The following AGO1 variants were observed in gnomAD, a reference collection of about 807,000 sequenced individuals.
The protein encoded by AGO1 is protein argonaute-1.
A neutral mutation model predicts 109.2 loss-of-function variants in AGO1; 11 were observed. That is an observed-to-expected ratio of 0.10 (90% CI 0.06 to 0.17). AGO1 has a LOEUF of 0.17. Ranked by LOEUF, AGO1 falls within the 10% of genes least tolerant of loss-of-function variation. The pLI is 1.00. For synonymous variants in AGO1, 422 were observed against 418.6 expected, an observed-to-expected ratio of 1.01 and a Z score of -0.10; for missense variants, 574 against 1,140.3, an observed-to-expected ratio of 0.50 and a Z score of 7.15.
intron 8 of AGO1, among the ~76,000 whole-genome samples, chr1:35,900,725 C>G (rs1276981395): frequency 6.6e-6 from 1 of 151,854 alleles, no homozygotes; most frequent in Non-Finnish European, 1.5e-5. Context: ...AAAACTCCCT[C>G]TCAAAAATAA....
At chr1:35,907,199 A>C (rs1296878998) in intron 12 of AGO1, 80 bp downstream of exon 12, 1 of 1,347,936 alleles carries the variant, frequency 7.4e-7, no homozygotes, top group Non-Finnish European at 9.9e-7. Flanking sequence ...GGAAGGACTC[A>C]GTCTGGATTC....
intron 1 of AGO1, among the ~76,000 whole-genome samples, chr1:35,875,151 T>C (rs1410417254): frequency 3.3e-5 from 5 of 152,106 alleles, no homozygotes. Context: ...AACAGCCTTC[T>C]GTTGGAAGAA....
At chr1:35,899,188 A>G (rs1451720777) in intron 8 of AGO1, among the ~76,000 whole-genome samples, 2 of 152,220 alleles carry the variant, frequency 1.3e-5, no homozygotes, top group Non-Finnish European at 2.9e-5. Context: ...CAATGTCTTC[A>G]AGGTTCATCC....
intron 12 of AGO1, among the ~76,000 whole-genome samples, chr1:35,911,447 A>G (rs988107823): frequency 6.6e-6 from 1 of 152,112 alleles, no homozygotes; most frequent in African/African-American, 2.4e-5. Context: ...AGATTCAACA[A>G]ATGTACCCAG....
At chr1:35,871,929 G>T (rs1436354887) in intron 1 of AGO1, among the ~76,000 whole-genome samples, 1 of 151,698 alleles carries the variant, frequency 6.6e-6, no homozygotes, top group Admixed American at 6.6e-5. Flanking sequence ...AATTAGCCGG[G>T]TGTGGTGGCG....
In AGO1 at chr1:35,919,649, C is replaced by A; in HGVS notation, c.*42C>A. 1 of 1,576,006 alleles carries A rather than the reference C, an allele frequency of 6.3e-7. No individual in the cohort carries two copies. Among genetic ancestry groups the A allele is most frequent in the Non-Finnish European group, 8.7e-7 (1 of 1,154,444 alleles). ...CCTCACTGGATAGAAGAAAGCTTTC[C>A]AAGCCCCAGGAGCTGTGCCACCCAA... On this transcript the variant is annotated 3_prime_UTR_variant, in exon 19 of 19. Transcript: ENST00000373204. The surrounding 1 kb of genome is among the most constrained non-coding windows in gnomAD (Gnocchi z 6.6).
At chr1:35,915,605 C>A in intron 15 of AGO1, 63 bp downstream of exon 15, 1 of 1,458,518 alleles carries the variant, frequency 6.9e-7, no homozygotes, top group Non-Finnish European at 9.4e-7. Flanking sequence ...GTGCTACTAC[C>A]TTTTCTAAGC....
intron 11 of AGO1, among the ~76,000 whole-genome samples, chr1:35,903,032 G>A (rs1346793680): frequency 3.7e-5 from 5 of 136,736 alleles, no homozygotes; most frequent in Non-Finnish European, 6.2e-5. Flanking sequence ...TTAAGACAGA[G>A]TCTTGCTCTG....
chr1:35,872,204 G>C (rs951349630), intron 1 of AGO1, among the ~76,000 whole-genome samples: 1 of 60,796 alleles, frequency 1.6e-5, no homozygotes, highest in East Asian at 5.4e-4. Context: ...TTTTTTTTTT[G>C]AGACGGAGTC....
intron 8 of AGO1, among the ~76,000 whole-genome samples, chr1:35,900,303 A>G (rs1224117518): frequency 1.3e-5 from 2 of 152,256 alleles, no homozygotes; most frequent in Non-Finnish European, 2.9e-5. Context: ...GAAGAGCTCT[A>G]TATATGGTCC....
At chr1:35,882,168 TC>T (rs1197409575), upstream of AGO1, among the ~76,000 whole-genome samples, 1 of 152,184 alleles carries the variant, frequency 6.6e-6, no homozygotes, top group Non-Finnish European at 1.5e-5. This position sits in a 1 kb window ranked among gnomAD's most constrained non-coding sequence, Gnocchi z 5.1. Context: ...GGTTTGGACT[TC>T]TTAAATTTGA....
Position 35,902,205 on chromosome 1 carries a change from A to G in AGO1, c.1265A>G (p.Asn422Ser). Residue 422 changes from asparagine (N) to serine (S), a missense_variant and splice_region_variant, in exon 11 of 19, where the codon AAC becomes AGC. Asn to Ser is a conservative substitution (Grantham distance 46). This residue lies in a region of AGO1 where 106 missense variants were observed against 147.8 expected (regional missense o/e 0.72). Transcript: ENST00000373204. ...GGCGCCCCCTCTACCTATCCCCAGA[A>G]CCGGGCCATTGCCACACCCAATCAG... Reference protein sequence around the residue: ...PAPILQYGGRNRAIATPNQGV... With the variant: ...PAPILQYGGRSRAIATPNQGV... 6.2e-7 allele frequency: 1 copy of G among 1,613,366 alleles called. No homozygotes were observed. The highest frequency in any genetic ancestry group is 8.5e-7 in the Non-Finnish European group (1 of 1,179,560).
intron 12 of AGO1, among the ~76,000 whole-genome samples, chr1:35,913,476 A>G (rs1645678401): frequency 1.3e-5 from 2 of 151,868 alleles, no homozygotes; most frequent in Admixed American, 6.6e-5. Context: ...AGCAGGGTGC[A>G]TTTTTGCATG....
intron 16 of AGO1, 74 bp downstream of exon 16, chr1:35,917,801 T>G: frequency 6.4e-7 from 1 of 1,553,212 alleles, no homozygotes; most frequent in Non-Finnish European, 8.8e-7. Flanking sequence ...GCCCTTGAGA[T>G]AAAGGCTGGG....
At chr1:35,900,968 A>T (rs185644561) in intron 8 of AGO1, among the ~76,000 whole-genome samples, 55 of 151,716 alleles carry the variant, frequency 3.6e-4, no homozygotes, top group African/African-American at 1.2e-3. Flanking sequence ...CTGGATCACA[A>T]GCGGTTGAAT....
rs1645451303 is a variant in AGO1, at chr1:35,903,155, C to T, written c.1397+818C>T. 5.3e-5 allele frequency among the ~76,000 whole-genome samples: 8 copies of T among 151,856 alleles called. No individual in the cohort carries two copies. In the South Asian group the frequency reaches 8.3e-4, roughly 16 times the overall value. ...CCGAGTAGCTGGGACCACAGGCGCC[C>T]GCCACCACGCCCAGCTAATTTTTTG... On this transcript the variant is annotated intron_variant, in intron 11 of 18. Coordinates refer to ENST00000373204, the MANE Select transcript of AGO1 (RefSeq NM_012199.5).
chr1:35,878,381 G>T (rs999212675), upstream of AGO1, among the ~76,000 whole-genome samples: 1 of 151,968 alleles, frequency 6.6e-6, no homozygotes, highest in Non-Finnish European at 1.5e-5. Flanking sequence ...CACCACGCCC[G>T]GCTCCTTTTT....
At chr1:35,875,857 A>G (rs970140413) in intron 1 of AGO1, among the ~76,000 whole-genome samples, 11 of 152,240 alleles carry the variant, frequency 7.2e-5, no homozygotes, top group African/African-American at 2.4e-4. Flanking sequence ...TTGCTTTCAT[A>G]CCTACTTACA....
At chr1:35,870,477 G>A (rs1486799200) in intron 1 of AGO1, among the ~76,000 whole-genome samples, 2 of 152,028 alleles carry the variant, frequency 1.3e-5, no homozygotes, top group African/African-American at 4.8e-5. Context: ...TAGAGACGGG[G>A]TTTCACCGTG....
Sources: gnomAD v4.1 joint callset for allele counts (sites outside exome capture counted in the v4.1 genomes callset) on GRCh38, gnomAD v4.1.1 for gene constraint, gnomAD v4.1.1 regional missense constraint, Gnocchi (gnomAD v3.1) non-coding constraint, MANE v1.5 for transcripts, NCBI Gene and HGNC (gene_info 2026-07-23, HGNC 2026-07-21) for gene names.